The following ATP11B variants were observed in gnomAD, a reference collection of about 807,000 sequenced individuals.
The protein encoded by ATP11B is phospholipid-transporting ATPase IF.
In ATP11B, 81 loss-of-function variants were observed where a neutral mutation model predicts 157.8. The observed-to-expected ratio is 0.51, with a 90% CI of 0.43 to 0.62. The LOEUF (loss-of-function observed/expected upper bound fraction) is 0.62, where lower values mean the gene tolerates loss of function less well. Among genes scored for constraint, ATP11B ranks in the 20% least tolerant of loss-of-function variants. The pLI is 0.00. For synonymous variants in ATP11B, 451 were observed against 469.4 expected (o/e 0.96, Z 0.51); for missense variants, 1,165 against 1,402.2 (o/e 0.83, Z 2.70).
chr3:182,814,020 C>T (rs1195101110), intron 1 of ATP11B, among the ~76,000 whole-genome samples: 2 of 152,108 alleles, frequency 1.3e-5, no homozygotes, highest in African/African-American at 2.4e-5. Context: ...GCCACCACGC[C>T]TGACTGACAT....
chr3:182,803,377 C>T (rs144243815), intron 1 of ATP11B, among the ~76,000 whole-genome samples: 1 of 152,166 alleles, frequency 6.6e-6, no homozygotes, highest in Non-Finnish European at 1.5e-5. Flanking sequence ...GTAGTTTGGC[C>T]TTTCCTAATT....
At chr3:182,913,026 A>C (rs1177306926) in intron 28 of ATP11B, among the ~76,000 whole-genome samples, 1 of 152,152 alleles carries the variant, frequency 6.6e-6, no homozygotes, top group Non-Finnish European at 1.5e-5. Flanking sequence ...TACTCAGTTA[A>C]AATTGTTAGT....
chr3:182,869,039 A>G (rs1345706613), intron 15 of ATP11B, 39 bp from the exon 16 acceptor site: 1 of 1,405,614 alleles, frequency 7.1e-7, no homozygotes, highest in Non-Finnish European at 9.8e-7. Flanking sequence ...TATTTTAAAA[A>G]AAGTAAAGTT....
chr3:182,806,905 G>A (rs113150961), intron 1 of ATP11B, among the ~76,000 whole-genome samples: 1 of 152,054 alleles, frequency 6.6e-6, no homozygotes, highest in African/African-American at 2.4e-5. Flanking sequence ...AGGGGGTACT[G>A]CTGATTCTTA....
chr3:182,916,478 T>A (rs1184466213), intron 29 of ATP11B: 3 of 985,224 alleles, frequency 3.0e-6, no homozygotes, highest in Admixed American at 6.2e-5. Flanking sequence ...CAATGAAGTA[T>A]CCCATATTGC....
chr3:182,873,512 A>G (rs1721815858), intron 18 of ATP11B, among the ~76,000 whole-genome samples: 1 of 152,248 alleles, frequency 6.6e-6, no homozygotes, highest in Non-Finnish European at 1.5e-5. Context: ...GTAATAAAAC[A>G]GGAGTTTATG....
Position 182,913,736 on chromosome 3 carries a change from T to C in ATP11B, c.3319-125T>C, listed in dbSNP as rs1345864188. 6 of 1,483,918 alleles carry C rather than the reference T, an allele frequency of 4.0e-6. No homozygotes were observed. In the East Asian group the frequency reaches 9.1e-5, roughly 23 times the overall value. The allele number at this position is 1,483,918 out of a possible 1,614,324, so 91.9% of individuals were successfully genotyped here. A position where few individuals can be genotyped will look rare whatever the true frequency, so the allele number is the denominator to read the frequency against. ...TAAAGCCTTTCATATGTTTCCCATATTATAGAAAAACATGTAGGTTTATAT... is the reference window on the plus strand; with the variant it reads ...TAAAGCCTTTCATATGTTTCCCATACTATAGAAAAACATGTAGGTTTATAT... On this transcript the variant is annotated intron_variant, in intron 28 of 29. Transcript: ENST00000323116.
intron 1 of ATP11B, among the ~76,000 whole-genome samples, chr3:182,814,631 G>A (rs1238674114): frequency 1.3e-5 from 2 of 151,916 alleles, no homozygotes; most frequent in Non-Finnish European, 2.9e-5. Context: ...AACACAGTGA[G>A]ACCCCATATC....
Position 182,874,031 on chromosome 3 carries a change from C to A in ATP11B, c.2252+16C>A, listed in dbSNP as rs756933256. The A allele has an allele frequency of 1.2e-6, 2 of 1,609,132 alleles. No individual in the cohort carries two copies. Among genetic ancestry groups the A allele is most frequent in the African/African-American group, 2.7e-5 (2 of 74,752 alleles). On this transcript the variant is annotated intron_variant, in intron 19 of 29. Transcript: ENST00000323116. Reference sequence around the variant, plus strand: ...TTGCCAGAAGGTAAGAATATAGGAACCTGTATCATACCTTTCAGGGGTTAG... The same window carrying A: ...TTGCCAGAAGGTAAGAATATAGGAAACTGTATCATACCTTTCAGGGGTTAG...
intron 28 of ATP11B, among the ~76,000 whole-genome samples, chr3:182,901,918 G>A (rs987189642): frequency 6.6e-6 from 1 of 151,636 alleles, no homozygotes. Context: ...CTTCCTTCTT[G>A]GCTCACTAAA....
intron 28 of ATP11B, among the ~76,000 whole-genome samples, chr3:182,904,189 A>G (rs1374125091): frequency 6.6e-6 from 1 of 152,200 alleles, no homozygotes; most frequent in East Asian, 1.9e-4. Flanking sequence ...AGTGGGTCCT[A>G]ACCAAGTCAC....
intron 1 of ATP11B, among the ~76,000 whole-genome samples, chr3:182,809,318 C>T (rs1477801865): frequency 1.3e-5 from 2 of 151,876 alleles, no homozygotes; most frequent in Admixed American, 6.6e-5. Flanking sequence ...GTGCCATCTC[C>T]GCCTACTGCA....
At chr3:182,818,868 T>A (rs1717130591) in intron 1 of ATP11B, among the ~76,000 whole-genome samples, 1 of 151,070 alleles carries the variant, frequency 6.6e-6, no homozygotes, top group South Asian at 2.1e-4. Flanking sequence ...TTTATTGACC[T>A]TTTAATAACT....
Position 182,793,517 on chromosome 3 carries a change from G to A in ATP11B, c.-243G>A. 2.9e-6 allele frequency: 1 copy of A among 347,686 alleles called. No homozygotes were observed. 21.5% of individuals were successfully genotyped at this position (347,686 alleles called of 1,614,324 possible). Reference sequence around the variant, plus strand: ...GTGACAACGGTCAATAATGAAGGTGGCTGCGGCGCGGCGGCAGGCTCAGCT... The same window carrying A: ...GTGACAACGGTCAATAATGAAGGTGACTGCGGCGCGGCGGCAGGCTCAGCT... On this transcript the variant is annotated 5_prime_UTR_variant, in exon 1 of 30. Coordinates refer to ENST00000323116, the MANE Select transcript of ATP11B (RefSeq NM_014616.3).
chr3:182,910,415 A>C (rs1724698449), intron 28 of ATP11B, among the ~76,000 whole-genome samples: 1 of 152,006 alleles, frequency 6.6e-6, no homozygotes, highest in Non-Finnish European at 1.5e-5. Flanking sequence ...GTCTCTACTA[A>C]AATTAAAAAT....
intron 29 of ATP11B, 182 bp from the exon 30 acceptor site, chr3:182,917,841 C>T (rs995233913): frequency 2.0e-6 from 2 of 981,012 alleles, no homozygotes; most frequent in Admixed American, 6.2e-5. Context: ...TTATTTTTCC[C>T]AAGTTTTTAT....
At chr3:182,863,231 G>C (rs1720985130) in intron 12 of ATP11B, among the ~76,000 whole-genome samples, 1 of 152,070 alleles carries the variant, frequency 6.6e-6, no homozygotes, top group African/African-American at 2.4e-5. Flanking sequence ...TAACATTTAG[G>C]AGGCCTTAAT....
At chr3:182,839,604 A>ATTTATTTCATTTTATTTTATTTTAT (rs1553802330) in intron 7 of ATP11B, among the ~76,000 whole-genome samples, 4 of 149,010 alleles carry the variant, frequency 2.7e-5, no homozygotes, top group African/African-American at 9.9e-5. Context: ...TTTTTTAAAT[A>ATTTATTTCATTTTATTTTATTTTAT]TTTATTTTAT....
chr3:182,904,092 T>A (rs1724161120), intron 28 of ATP11B, among the ~76,000 whole-genome samples: 1 of 152,190 alleles, frequency 6.6e-6, no homozygotes, highest in South Asian at 2.1e-4. Context: ...CAAGCCACTC[T>A]CCAATCAGGT....
Sources: allele counts gnomAD v4.1 joint callset (sites outside exome capture counted in the v4.1 genomes callset), GRCh38; gene constraint gnomAD v4.1.1; transcripts MANE v1.5; gene names NCBI Gene and HGNC (gene_info 2026-07-23, HGNC 2026-07-21).